The following GLG1 variants were observed in gnomAD, a reference collection of about 807,000 sequenced individuals.
The protein encoded by GLG1 is Golgi apparatus protein 1.
GLG1 carries 38 observed loss-of-function variants against 160.5 expected under a neutral mutation model. That is an observed-to-expected ratio of 0.24 (90% CI 0.18 to 0.31). The LOEUF (loss-of-function observed/expected upper bound fraction) is 0.31, where lower values mean the gene tolerates loss of function less well. GLG1 is among the 10% of genes least tolerant of loss of function. The pLI, the probability that GLG1 is intolerant of heterozygous loss-of-function variation, is 1.00. For synonymous variants in GLG1, 644 were observed against 543.4 expected, an observed-to-expected ratio of 1.19 and a Z score of -2.57; for missense variants, 1,373 against 1,505.2, an observed-to-expected ratio of 0.91 and a Z score of 1.45.
At chr16:74,501,430 T>C (rs1362770691) in intron 4 of GLG1, among the ~76,000 whole-genome samples, 1 of 152,218 alleles carries the variant, frequency 6.6e-6, no homozygotes, top group Non-Finnish European at 1.5e-5. Context: ...ATAGGAACAA[T>C]TTTTATTATT....
intron 1 of GLG1, among the ~76,000 whole-genome samples, chr16:74,597,560 A>G (rs974989235): frequency 1.3e-5 from 2 of 149,662 alleles, no homozygotes; most frequent in African/African-American, 4.9e-5. Flanking sequence ...CTCTACTAAA[A>G]AAACAAAAAT....
At chr16:74,605,404 A>T (rs1046977856) in intron 1 of GLG1, among the ~76,000 whole-genome samples, 7 of 152,186 alleles carry the variant, frequency 4.6e-5, no homozygotes, top group Non-Finnish European at 1.0e-4. Context: ...TTAGGATCCT[A>T]GTTTGATGAA....
chr16:74,600,518 G>C (rs1358271022), intron 1 of GLG1, among the ~76,000 whole-genome samples: 2 of 152,028 alleles, frequency 1.3e-5, no homozygotes, highest in African/African-American at 2.4e-5. Flanking sequence ...GATCACTTGA[G>C]GTCAGAGGTT....
chr16:74,598,514 C>T (rs1229007377), intron 1 of GLG1, among the ~76,000 whole-genome samples: 1 of 142,614 alleles, frequency 7.0e-6, no homozygotes, highest in Non-Finnish European at 1.5e-5. Context: ...AATGAGACTC[C>T]ATCTCAAAAA....
At chr16:74,494,066 T>C (rs2016095899) in intron 6 of GLG1, among the ~76,000 whole-genome samples, 1 of 151,516 alleles carries the variant, frequency 6.6e-6, no homozygotes, top group African/African-American at 2.4e-5. Context: ...TCATAGCTAC[T>C]AGGGAGGCTG....
At chr16:74,514,108 C>T (rs982499325) in intron 2 of GLG1, among the ~76,000 whole-genome samples, 1 of 152,038 alleles carries the variant, frequency 6.6e-6, no homozygotes, top group African/African-American at 2.4e-5. Context: ...TGAAAAGAAA[C>T]GAACAAAACC....
At chr16:74,590,003 T>C (rs1331331415) in intron 1 of GLG1, among the ~76,000 whole-genome samples, 1 of 151,658 alleles carries the variant, frequency 6.6e-6, no homozygotes, top group Non-Finnish European at 1.5e-5. Context: ...ACTTTTGTTG[T>C]TGTTGTTGTT....
intron 1 of GLG1, among the ~76,000 whole-genome samples, chr16:74,597,711 G>A (rs548510054): frequency 8.5e-5 from 13 of 152,054 alleles, no homozygotes; most frequent in South Asian, 2.1e-4. Context: ...AAAATTAGCC[G>A]GGCATGGTGG....
chr16:74,594,792 G>A (rs1024676243), intron 1 of GLG1, among the ~76,000 whole-genome samples: 1 of 152,128 alleles, frequency 6.6e-6, no homozygotes, highest in African/African-American at 2.4e-5. Context: ...CAGGCTGGAG[G>A]GCAGTGGCAC....
At chr16:74,542,830 T>C (rs956138626) in intron 1 of GLG1, among the ~76,000 whole-genome samples, 2 of 133,406 alleles carry the variant, frequency 1.5e-5, no homozygotes, top group African/African-American at 5.5e-5. Flanking sequence ...AAAGAAAAAA[T>C]TTCCAGACAT....
chr16:74,572,034 G>A (rs1350090733), intron 1 of GLG1, among the ~76,000 whole-genome samples: 2 of 152,084 alleles, frequency 1.3e-5, no homozygotes, highest in African/African-American at 4.8e-5. Context: ...GAATGGTGGT[G>A]TTGGGGGTGG....
intron 2 of GLG1, among the ~76,000 whole-genome samples, chr16:74,517,104 G>A (rs182129728): frequency 5.1e-4 from 77 of 152,166 alleles, no homozygotes; most frequent in Non-Finnish European, 8.7e-4. Flanking sequence ...GTGGACTCAC[G>A]GCCGAATTCT....
chr16:74,540,420 G>C (rs2017829781), intron 1 of GLG1, among the ~76,000 whole-genome samples: 2 of 151,408 alleles, frequency 1.3e-5, no homozygotes, highest in African/African-American at 4.9e-5. Context: ...TTAGAAACAA[G>C]GTGCTCATAA....
intron 4 of GLG1, among the ~76,000 whole-genome samples, chr16:74,498,868 CA>C (rs57372225): frequency 0.027 from 2,068 of 75,682 alleles, 13 homozygotes; most frequent in Middle Eastern, 0.048. Context: ...CCGTCTCAGG[CA>C]AAAAAAAAAA....
intron 18 of GLG1, among the ~76,000 whole-genome samples, chr16:74,467,269 AT>A (rs2015033523): frequency 6.6e-6 from 1 of 152,232 alleles, no homozygotes; most frequent in African/African-American, 2.4e-5. Context: ...TAACGAGAAC[AT>A]TTTTTTAAAA....
intron 1 of GLG1, among the ~76,000 whole-genome samples, chr16:74,602,417 T>C (rs2143917308): frequency 6.6e-6 from 1 of 152,328 alleles, no homozygotes; most frequent in South Asian, 2.1e-4. Context: ...ACAGACATGC[T>C]TGAAGTATTT....
At chr16:74,502,233 T>C (rs1014925260) in intron 4 of GLG1, among the ~76,000 whole-genome samples, 1 of 152,216 alleles carries the variant, frequency 6.6e-6, no homozygotes, top group African/African-American at 2.4e-5. Context: ...CTGGCATCCA[T>C]TACTTTTCAG....
At chr16:74,479,881 A>G (rs2015535090) in intron 11 of GLG1, among the ~76,000 whole-genome samples, 1 of 152,180 alleles carries the variant, frequency 6.6e-6, no homozygotes, top group African/African-American at 2.4e-5. Flanking sequence ...CCAAGAGGAG[A>G]AGCCTAAAAT....
At chr16:74,461,329 G>A (rs1270822810) in intron 22 of GLG1, among the ~76,000 whole-genome samples, 3 of 151,384 alleles carry the variant, frequency 2.0e-5, no homozygotes, top group Non-Finnish European at 4.4e-5. Context: ...CACCGGGCCG[G>A]GCTAATGTTT....
Sources: allele counts gnomAD v4.1 joint callset (sites outside exome capture counted in the v4.1 genomes callset), GRCh38; gene constraint gnomAD v4.1.1; transcripts MANE v1.5; gene names NCBI Gene and HGNC (gene_info 2026-07-23, HGNC 2026-07-21).